Variants in HDAC9 observed in about 807,000 individuals in gnomAD.
HDAC9 encodes MEF-2 interacting transcription repressor (MITR) protein.
HDAC9 carries 41 observed loss-of-function variants against 139.4 expected under a neutral mutation model. The ratio of observed to expected loss-of-function variants is 0.29; its 90% confidence interval spans 0.23 to 0.38. The LOEUF (loss-of-function observed/expected upper bound fraction) is 0.38. Ranked by LOEUF, HDAC9 falls within the 10% of genes least tolerant of loss-of-function variation. The pLI, the probability that HDAC9 is intolerant of heterozygous loss-of-function variation, is 1.00. For synonymous variants in HDAC9, 517 were observed against 476.2 expected (o/e 1.09, Z -1.12); for missense variants, 1,147 against 1,297.0 (o/e 0.88, Z 1.78).
At chr7:18,189,396 A>G (rs1033605188) in intron 2 of HDAC9, among the ~76,000 whole-genome samples, 2 of 152,016 alleles carry the variant, frequency 1.3e-5, no homozygotes, top group Non-Finnish European at 2.9e-5. Flanking sequence ...GGTGCAGCAA[A>G]CCACCATGGC....
intron 6 of HDAC9, among the ~76,000 whole-genome samples, chr7:18,596,514 G>A (rs184075955): frequency 5.9e-4 from 90 of 152,152 alleles, no homozygotes; most frequent in African/African-American, 2.1e-3. Flanking sequence ...AATGTTTATT[G>A]TATTTCAGTG....
intron 6 of HDAC9, among the ~76,000 whole-genome samples, chr7:18,610,857 A>T (rs1199029662): frequency 1.3e-5 from 2 of 152,198 alleles, no homozygotes; most frequent in African/African-American, 4.8e-5. Flanking sequence ...CTGCTGTGCT[A>T]TTCCCATGTA....
At chr7:18,570,362 T>C (rs1361545357) in intron 2 of HDAC9, among the ~76,000 whole-genome samples, 4 of 152,164 alleles carry the variant, frequency 2.6e-5, no homozygotes, top group African/African-American at 9.7e-5. Flanking sequence ...CACAAGTGTG[T>C]CAAAATATGA....
intron 6 of HDAC9, among the ~76,000 whole-genome samples, chr7:18,608,294 G>C (rs894095902): frequency 3.9e-5 from 6 of 152,096 alleles, no homozygotes; most frequent in Non-Finnish European, 7.4e-5. Context: ...AGGAGTGGGA[G>C]GGGAGGGGGA....
At chr7:18,899,702 A>ATGTAATTTGTTATTTAACAAATTATCAG (rs1801526347) in intron 22 of HDAC9, among the ~76,000 whole-genome samples, 4 of 151,970 alleles carry the variant, frequency 2.6e-5, no homozygotes, top group South Asian at 2.1e-4. Flanking sequence ...GAACTATTCA[A>ATGTAATTTGTTATTTAACAAATTATCAG]TGTAATTTGT....
intron 2 of HDAC9, among the ~76,000 whole-genome samples, chr7:18,231,933 A>G (rs1305330814): frequency 6.6e-6 from 1 of 152,214 alleles, no homozygotes; most frequent in Non-Finnish European, 1.5e-5. Flanking sequence ...GAAATCATAC[A>G]TGAAGACATG....
intron 14 of HDAC9, among the ~76,000 whole-genome samples, chr7:18,761,856 T>TA (rs1789420118): frequency 3.9e-5 from 6 of 152,370 alleles, no homozygotes; most frequent in Admixed American, 3.9e-4. Flanking sequence ...TGTTGGTTTT[T>TA]AAGCTGATAC....
At chr7:18,443,841 C>T in intron 1 of HDAC9, among the ~76,000 whole-genome samples, 1 of 151,028 alleles carries the variant, frequency 6.6e-6, no homozygotes, top group East Asian at 1.9e-4. Context: ...TTTGTATAAA[C>T]ATTTGTATAT....
At chr7:18,566,714 T>C (rs558946640) in intron 2 of HDAC9, among the ~76,000 whole-genome samples, 74 of 152,328 alleles carry the variant, frequency 4.9e-4, no homozygotes, top group African/African-American at 1.7e-3. Flanking sequence ...TGACAAGGTA[T>C]TGGGCATTAG....
At chr7:18,781,663 C>A (rs1224525455) in intron 16 of HDAC9, among the ~76,000 whole-genome samples, 1 of 151,990 alleles carries the variant, frequency 6.6e-6, no homozygotes, top group African/African-American at 2.4e-5. Context: ...CCTTTTCTTA[C>A]CATTTCCAAA....
intron 11 of HDAC9, among the ~76,000 whole-genome samples, chr7:18,659,854 A>G (rs1159350183): frequency 6.6e-6 from 1 of 152,132 alleles, no homozygotes; most frequent in Non-Finnish European, 1.5e-5. Context: ...TCTAGCCAAC[A>G]AGGCAACAGC....
chr7:18,573,490 A>T (rs1243742314), intron 2 of HDAC9, among the ~76,000 whole-genome samples: 4 of 152,158 alleles, frequency 2.6e-5, no homozygotes, highest in Non-Finnish European at 4.4e-5. Context: ...CTGCCTGAGT[A>T]TTGCTAGTGC....
At chr7:18,822,092 C>G (rs190011531) in intron 17 of HDAC9, among the ~76,000 whole-genome samples, 1 of 152,152 alleles carries the variant, frequency 6.6e-6, no homozygotes. Context: ...TGTGGAGGTT[C>G]CATCACATGG....
At chr7:18,423,221 T>C (rs1789806277) in intron 1 of HDAC9, among the ~76,000 whole-genome samples, 1 of 152,258 alleles carries the variant, frequency 6.6e-6, no homozygotes. Context: ...TTTAACAGCT[T>C]TCTATGCTTT....
chr7:18,090,788 A>T (rs947725342), intron 1 of HDAC9, among the ~76,000 whole-genome samples: 2 of 152,318 alleles, frequency 1.3e-5, no homozygotes, highest in Non-Finnish European at 1.5e-5. Flanking sequence ...AGTGAACAGA[A>T]GGTTTATGGA....
chr7:18,590,162 C>T (rs1246069471), intron 3 of HDAC9, among the ~76,000 whole-genome samples, 174 bp from the exon 4 acceptor site: 2 of 152,158 alleles, frequency 1.3e-5, no homozygotes, highest in Non-Finnish European at 2.9e-5. Context: ...GACGTTAAGA[C>T]CTTCACTGCA....
intron 23 of HDAC9, among the ~76,000 whole-genome samples, chr7:18,953,744 A>G (rs568230831): frequency 2.0e-5 from 3 of 152,210 alleles, no homozygotes; most frequent in East Asian, 3.9e-4. Flanking sequence ...GAAAGTATGG[A>G]TAATAGAGTG....
chr7:18,661,713 T>C (rs1057135653), intron 11 of HDAC9, among the ~76,000 whole-genome samples: 2 of 152,146 alleles, frequency 1.3e-5, no homozygotes, highest in Non-Finnish European at 2.9e-5. Context: ...AAACATTTCT[T>C]TTACAAACCA....
chr7:18,182,689 T>G (rs1475349813), intron 2 of HDAC9, among the ~76,000 whole-genome samples: 1 of 152,226 alleles, frequency 6.6e-6, no homozygotes, highest in African/African-American at 2.4e-5. Context: ...GTTATCTTGC[T>G]CTATCAAGGT....
Sources: allele counts gnomAD v4.1 joint callset (sites outside exome capture counted in the v4.1 genomes callset), GRCh38; gene constraint gnomAD v4.1.1; transcripts MANE v1.5; gene names NCBI Gene and HGNC (gene_info 2026-07-23, HGNC 2026-07-21).